The following NELL1 variants were observed in gnomAD, a reference collection of about 807,000 sequenced individuals.
NELL1 encodes protein kinase C-binding protein NELL1.
A neutral mutation model predicts 107.4 loss-of-function variants in NELL1; 76 were observed. That is an observed-to-expected ratio of 0.71 (90% confidence interval 0.59 to 0.86). The LOEUF (loss-of-function observed/expected upper bound fraction) is 0.86, where lower values mean the gene tolerates loss of function less well. NELL1 is among the 40% of genes least tolerant of loss of function. The pLI is 0.00. For missense variants in NELL1, 1,024 were observed against 1,005.5 expected, an observed-to-expected ratio of 1.02 and a Z score of -0.25; for synonymous variants, 353 against 341.2, an observed-to-expected ratio of 1.03 and a Z score of -0.38.
rs545404342 is a variant in NELL1, at chr11:20,934,243, G to A, written c.998-3543G>A. On this transcript the variant is annotated intron_variant, in intron 9 of 19. Coordinates refer to ENST00000357134, the MANE Select transcript of NELL1 (RefSeq NM_006157.5). Reference sequence around the variant, plus strand: ...GTATGAGAAAGCAGGAGAAATTCTTGTGACCTCCAGTGGTGATCCTGAAAG... The same window carrying A: ...GTATGAGAAAGCAGGAGAAATTCTTATGACCTCCAGTGGTGATCCTGAAAG... 7.2e-5 allele frequency among the ~76,000 whole-genome samples: 11 copies of A among 152,292 alleles called. No individual in the cohort carries two copies. In the South Asian group the frequency reaches 2.3e-3, roughly 32 times the overall value.
In NELL1 at chr11:21,560,369, T is replaced by C. The variant is rs756051042; in HGVS notation, c.1967T>C (p.Val656Ala). ...VWTLKEDRCS[V>A]CSCKDGKIFC... ...ACCTTGAAAGAAGACAGGTGTTCTG[T>C]CTGCTCCTGCAAGGTGAGGCTGATG... Residue 656 changes from valine to alanine, a missense_variant, in exon 17 of 20, where the codon GTC (valine) becomes GCC (alanine). Physicochemically the swap from Val to Ala is moderately conservative, Grantham distance 64. Transcript: ENST00000357134. 6 of 1,584,586 alleles carry C rather than the reference T, an allele frequency of 3.8e-6. No individual in the cohort carries two copies. Among genetic ancestry groups the C allele is most frequent in the African/African-American group, 1.4e-5 (1 of 73,782 alleles).
rs934967998 is a variant in NELL1, at chr11:21,463,009, A to G, written c.1646-71365A>G. Among the ~76,000 whole-genome samples, 8 of 152,188 alleles carry G rather than the reference A, an allele frequency of 5.3e-5. No homozygotes were observed. The South Asian group carries it at 6.2e-4, about 12-fold the overall frequency. ...GCCAGGAAAGCATCGTAGTTTCAAA[A>G]TAGGTTCCTTGAAATATTCATTAAG... On this transcript the variant is annotated intron_variant, in intron 15 of 19. Coordinates refer to ENST00000357134, the MANE Select transcript of NELL1 (RefSeq NM_006157.5).
At chr11:21,524,853 A>G (rs188044400) in intron 15 of NELL1, among the ~76,000 whole-genome samples, 2 of 152,288 alleles carry the variant, frequency 1.3e-5, no homozygotes, top group South Asian at 2.1e-4. Context: ...TCAAATTTCA[A>G]TAGTTTTGTT....
At chr11:21,448,479 T>C (rs1853498754) in intron 15 of NELL1, among the ~76,000 whole-genome samples, 1 of 152,246 alleles carries the variant, frequency 6.6e-6, no homozygotes, top group African/African-American at 2.4e-5. Flanking sequence ...TATTAAGTGC[T>C]GCATAATATA....
chr11:20,882,824 A>G (rs1480161414), intron 4 of NELL1, among the ~76,000 whole-genome samples: 2 of 152,250 alleles, frequency 1.3e-5, no homozygotes, highest in Admixed American at 6.5e-5. Context: ...CATCTTGCGT[A>G]TAGCTTTTAT....
chr11:21,362,809 G>A (rs1252472536), intron 14 of NELL1, among the ~76,000 whole-genome samples: 3 of 152,020 alleles, frequency 2.0e-5, no homozygotes, highest in Non-Finnish European at 4.4e-5. Context: ...GGTGGGGGAG[G>A]CTTACGCAAG....
At chr11:21,309,284 ATATATATATATATATG>A (rs1315834393) in intron 14 of NELL1, among the ~76,000 whole-genome samples, 5 of 62,782 alleles carry the variant, frequency 8.0e-5, no homozygotes, top group African/African-American at 3.6e-4. Context: ...ATATATGTAT[ATATATATATATATATG>A]TATATATATA....
chr11:21,299,559 G>A (rs915429531), intron 14 of NELL1, among the ~76,000 whole-genome samples: 7 of 107,760 alleles, frequency 6.5e-5, no homozygotes, highest in African/African-American at 1.9e-4. Context: ...GTGTGTGTGT[G>A]TGTGTTTATT....
chr11:20,855,498 C>G (rs1848866269), intron 4 of NELL1, among the ~76,000 whole-genome samples: 2 of 152,142 alleles, frequency 1.3e-5, no homozygotes, highest in East Asian at 1.9e-4. Context: ...ATTTCCAACT[C>G]ATAGTGATTT....
chr11:20,800,836 A>G (rs1007291676), intron 3 of NELL1, among the ~76,000 whole-genome samples: 5 of 152,216 alleles, frequency 3.3e-5, no homozygotes, highest in African/African-American at 4.8e-5. Flanking sequence ...AGTGATAGGC[A>G]TCCTGTCTGG....
At chr11:20,859,622 A>G (rs888179304) in intron 4 of NELL1, among the ~76,000 whole-genome samples, 5 of 152,194 alleles carry the variant, frequency 3.3e-5, no homozygotes, top group African/African-American at 9.6e-5. Context: ...TCAAGGTGAC[A>G]AATTCTCTGT....
chr11:21,455,900 T>C (rs540490998), intron 15 of NELL1, among the ~76,000 whole-genome samples: 44 of 151,986 alleles, frequency 2.9e-4, no homozygotes, highest in Admixed American at 6.6e-4. Context: ...AGTTTTGTTT[T>C]GTTTTTGAGG....
chr11:21,342,723 GAGAA>G (rs1303250848), intron 14 of NELL1, among the ~76,000 whole-genome samples: 1 of 150,896 alleles, frequency 6.6e-6, no homozygotes, highest in African/African-American at 2.4e-5. Flanking sequence ...GAGAGAGAGA[GAGAA>G]AGAGAAAGAA....
Position 21,035,056 on chromosome 11 carries a change from A to C in NELL1, c.1300+74496A>C, listed in dbSNP as rs577499900. Among the ~76,000 whole-genome samples, 38 of 152,138 alleles carry C rather than the reference A, an allele frequency of 2.5e-4. No homozygotes were observed. In the South Asian group the frequency reaches 7.3e-3, roughly 29 times the overall value. On this transcript the variant is annotated intron_variant, in intron 12 of 19. Coordinates refer to ENST00000357134, the MANE Select transcript of NELL1 (RefSeq NM_006157.5). ...ACAATCAGAAGTAATAAGGGGGATA[A>C]TACCACTGACCCCACAGAACTACAA...
At chr11:20,694,125 T>G (rs1423734484) in intron 2 of NELL1, among the ~76,000 whole-genome samples, 2 of 152,174 alleles carry the variant, frequency 1.3e-5, no homozygotes, top group Non-Finnish European at 2.9e-5. Context: ...AGCCTTGGCT[T>G]TCAGCTCCAT....
At chr11:21,494,469 C>T (rs1488382134) in intron 15 of NELL1, among the ~76,000 whole-genome samples, 1 of 151,944 alleles carries the variant, frequency 6.6e-6, no homozygotes, top group African/African-American at 2.4e-5. Flanking sequence ...TATTCCTTCA[C>T]ATTTTAAAAT....
At chr11:21,480,522 T>C (rs1854466445) in intron 15 of NELL1, among the ~76,000 whole-genome samples, 1 of 152,198 alleles carries the variant, frequency 6.6e-6, no homozygotes, top group Non-Finnish European at 1.5e-5. Flanking sequence ...GCCACGGATA[T>C]GCTAAATTGT....
chr11:21,022,830 C>T (rs1852732021), intron 12 of NELL1, among the ~76,000 whole-genome samples: 1 of 151,960 alleles, frequency 6.6e-6, no homozygotes, highest in African/African-American at 2.4e-5. Context: ...TGGCACCTGC[C>T]ATATATTAAG....
At chr11:21,115,381 T>C (rs1297962283) in intron 13 of NELL1, among the ~76,000 whole-genome samples, 1 of 142,222 alleles carries the variant, frequency 7.0e-6, no homozygotes, top group Non-Finnish European at 1.6e-5. Flanking sequence ...CACACGCTTT[T>C]TTGTTTTGTT....
Sources: gnomAD v4.1 joint callset for allele counts (sites outside exome capture counted in the v4.1 genomes callset) on GRCh38, gnomAD v4.1.1 for gene constraint, MANE v1.5 for transcripts, NCBI Gene and HGNC (gene_info 2026-07-23, HGNC 2026-07-21) for gene names.